The following ATAD5 variants were observed in gnomAD, a reference collection of about 807,000 sequenced individuals.
The protein encoded by ATAD5 is ATPase family AAA domain containing 5.
In ATAD5, 58 loss-of-function variants were observed where a neutral mutation model predicts 176.9. The observed-to-expected ratio is 0.33, with a 90% CI of 0.27 to 0.41. The LOEUF is 0.41. ATAD5 is among the 10% of genes least tolerant of loss of function. The pLI, the probability that ATAD5 is intolerant of heterozygous loss-of-function variation, is 1.00. For synonymous variants in ATAD5, 640 were observed against 712.6 expected (o/e 0.90, Z 1.62); for missense variants, 1,789 against 2,094.1 (o/e 0.85, Z 2.84).
At position 30,869,618 on chromosome 17, in the gene ATAD5, T is replaced by C; in HGVS notation, c.3579T>C (p.Phe1193=). ...TAAACTCACAAAAACCCTGTTTTTT[T>C]AATAGCTACTACATAGGCAAGTCAC... ...QGVNSQKPCF[F]NSYYIGKSPK... is the part of the protein sequence containing the mutation. The change falls in exon 14 of 23, where the codon TTT becomes TTC. Residue 1193 remains phenylalanine (F), a synonymous_variant. Coordinates refer to ENST00000321990, the MANE Select transcript of ATAD5 (RefSeq NM_024857.5). 3.7e-6 allele frequency: 6 copies of C among 1,602,318 alleles called. No individual in the cohort carries two copies. The highest frequency in any genetic ancestry group is 5.1e-6 in the Non-Finnish European group (6 of 1,177,356).
chr17:30,855,881 G>A (rs1242337322), intron 7 of ATAD5, among the ~76,000 whole-genome samples: 3 of 147,860 alleles, frequency 2.0e-5, no homozygotes, highest in Admixed American at 6.8e-5. Context: ...AAAAAAAAAA[G>A]TTTAGCCTTT....
At chr17:30,854,203 T>A (rs958364796) in intron 6 of ATAD5, among the ~76,000 whole-genome samples, 32 of 96,858 alleles carry the variant, frequency 3.3e-4, no homozygotes, top group African/African-American at 8.6e-4. Flanking sequence ...TAAAACAAAA[T>A]TTTTATATAA....
chr17:30,876,737 G>T, intron 15 of ATAD5, among the ~76,000 whole-genome samples, 187 bp downstream of exon 15: 1 of 104,888 alleles, frequency 9.5e-6, no homozygotes, highest in African/African-American at 3.9e-5. Context: ...TTTTGAGACA[G>T]AGTCTTGCTC....
At chr17:30,873,537 C>T (rs535113759) in intron 14 of ATAD5, among the ~76,000 whole-genome samples, 3 of 151,908 alleles carry the variant, frequency 2.0e-5, no homozygotes, top group East Asian at 1.9e-4. Context: ...AGGCTGGTCT[C>T]GAACTCCTAA....
intron 6 of ATAD5, among the ~76,000 whole-genome samples, chr17:30,851,089 A>G (rs1597965209): frequency 7.1e-6 from 1 of 141,800 alleles, no homozygotes; most frequent in Admixed American, 7.0e-5. Flanking sequence ...GGGTTTCACC[A>G]TGTTGGCCAG....
chr17:30,844,038 T>G lies in ATAD5; in HGVS notation c.2367T>G (p.Pro789=). 1 of 1,537,244 alleles carries G rather than the reference T, an allele frequency of 6.5e-7. No homozygotes were observed. The highest frequency in any genetic ancestry group is 2.3e-5 in the East Asian group (1 of 43,034). Residue 789 remains proline, a splice_region_variant and synonymous_variant, in exon 5 of 23, where the codon CCT becomes CCG. Transcript: ENST00000321990. ...KKLNTSTKNV[P]GKMKVAPLFL... ...TTAACACATCCACTAAAAATGTACC[T>G]GGTAATCAGAGTTAATAATATTTAT... is the stretch of plus-strand genomic sequence containing the variant.
intron 12 of ATAD5, among the ~76,000 whole-genome samples, 200 bp from the exon 13 acceptor site, chr17:30,869,048 G>A (rs971648736): frequency 6.6e-6 from 1 of 151,716 alleles, no homozygotes; most frequent in African/African-American, 2.4e-5. Flanking sequence ...GGCTGGTCTC[G>A]AACTCCTGAC....
intron 2 of ATAD5, 29 bp downstream of exon 2, chr17:30,836,077 A>G: frequency 2.0e-6 from 3 of 1,523,320 alleles, no homozygotes; most frequent in Non-Finnish European, 2.6e-6. Flanking sequence ...CTAACGTTCT[A>G]GTATTCTGCA....
chr17:30,873,441 C>G (rs1009354153), intron 14 of ATAD5, among the ~76,000 whole-genome samples: 10 of 151,706 alleles, frequency 6.6e-5, no homozygotes, highest in Non-Finnish European at 1.2e-4. Context: ...CCTCAGCCTC[C>G]TGAGTAGCTG....
intron 15 of ATAD5, 24 bp downstream of exon 15, chr17:30,876,574 T>C: frequency 1.4e-6 from 2 of 1,435,714 alleles, no homozygotes; most frequent in Non-Finnish European, 1.9e-6. Context: ...TTGACAAATT[T>C]TATATTTTTT....
At chr17:30,869,433 C>T in intron 13 of ATAD5, 43 bp downstream of exon 13, 1 of 1,606,714 alleles carries the variant, frequency 6.2e-7, no homozygotes, top group Non-Finnish European at 8.5e-7. Context: ...GTAATAATTA[C>T]CCTTGGATTA....
In ATAD5 at chr17:30,832,464, A is replaced by T. The variant is rs755148378; in HGVS notation, c.66+51A>T. Reference sequence around the variant, plus strand: ...AGTTCCTTCCTCTATCTTTTGGGGGATTGGAAGGTGGGTCTTGGCGGAAGG... The same window carrying T: ...AGTTCCTTCCTCTATCTTTTGGGGGTTTGGAAGGTGGGTCTTGGCGGAAGG... On this transcript the variant is annotated intron_variant, in intron 1 of 22. Coordinates refer to ENST00000321990, the MANE Select transcript of ATAD5 (RefSeq NM_024857.5). 24 of 1,433,932 alleles carry T rather than the reference A, an allele frequency of 1.7e-5. No homozygotes were observed. The South Asian group carries it at 3.2e-4, about 19-fold the overall frequency. 88.8% of individuals were successfully genotyped at this position (1,433,932 alleles called of 1,614,324 possible).
chr17:30,846,715 TTCTC>T (rs937000598), intron 6 of ATAD5, among the ~76,000 whole-genome samples: 3 of 151,168 alleles, frequency 2.0e-5, no homozygotes, highest in Admixed American at 1.3e-4. Context: ...GTTTGAATTT[TTCTC>T]TCTTTTTTTT....
chr17:30,867,742 G>A (rs541094642), intron 11 of ATAD5, among the ~76,000 whole-genome samples: 2 of 152,144 alleles, frequency 1.3e-5, no homozygotes, highest in East Asian at 3.9e-4. Context: ...CTCCCAAGTC[G>A]CTGGGACTAC....
rs1909841660 is a variant in ATAD5, at chr17:30,895,123, TATCTG to T, written c.*213_*217del. 1 of 393,394 alleles carries T rather than the reference TATCTG, an allele frequency of 2.5e-6. No individual in the cohort carries two copies. Among genetic ancestry groups the T allele is most frequent in the Non-Finnish European group, 4.5e-6 (1 of 221,736 alleles). 24.4% of individuals were successfully genotyped at this position (393,394 alleles called of 1,614,324 possible). On this transcript the variant is annotated 3_prime_UTR_variant, in exon 23 of 23. Transcript: ENST00000321990. The stretch of plus-strand genomic sequence containing the variant: ...AATTTTTTTTCTGAATTTTTTGTAT[TATCTG>T]ATTTAGCTTTGTTGGAGTATTTTTT...
intron 6 of ATAD5, among the ~76,000 whole-genome samples, chr17:30,849,369 C>T (rs556195901): frequency 6.6e-6 from 1 of 152,318 alleles, no homozygotes; most frequent in African/African-American, 2.4e-5. Flanking sequence ...GCAGCTGGGA[C>T]TCAAACGTGC....
Position 30,858,276 on chromosome 17 carries a change from A to G in ATAD5, c.2909A>G (p.Lys970Arg). The G allele has an allele frequency of 6.3e-7, 1 of 1,586,710 alleles. No individual in the cohort carries two copies. Among genetic ancestry groups the G allele is most frequent in the Non-Finnish European group, 8.6e-7 (1 of 1,166,580 alleles). ...LKKYFPLLLKKQIEHQVLSSE... is the reference protein window; with the variant it reads ...LKKYFPLLLKRQIEHQVLSSE... ...AAATATTTTCCCTTACTCCTAAAAA[A>G]ACAAATTGAGCACCAAGTACTTTCT... Residue 970 changes from lysine (K) to arginine (R), a missense_variant, in exon 9 of 23, where the codon AAA becomes AGA. Around this residue, in one of 6 missense-constraint regions of ATAD5, gnomAD observed 487 missense variants for 573.6 expected, o/e 0.85. Transcript: ENST00000321990.
chr17:30,847,107 T>G (rs187148633), intron 6 of ATAD5, among the ~76,000 whole-genome samples: 107 of 152,262 alleles, frequency 7.0e-4, no homozygotes, highest in Non-Finnish European at 1.3e-3. Flanking sequence ...AAAAAAAGTC[T>G]TCTTGTGCCT....
chr17:30,879,347 A>G, intron 17 of ATAD5, 76 bp from the exon 18 acceptor site: 1 of 1,514,228 alleles, frequency 6.6e-7, no homozygotes, highest in Non-Finnish European at 9.1e-7. Flanking sequence ...TTCATAGAAA[A>G]GTATAACTTG....
Sources: gnomAD v4.1 joint callset for allele counts (sites outside exome capture counted in the v4.1 genomes callset) on GRCh38, gnomAD v4.1.1 for gene constraint, gnomAD v4.1.1 regional missense constraint, MANE v1.5 for transcripts, NCBI Gene and HGNC (gene_info 2026-07-23, HGNC 2026-07-21) for gene names.